Variants in PSD3 observed in about 807,000 individuals in gnomAD.
The protein encoded by PSD3 is pleckstrin and Sec7 domain containing 3, also known as PH and SEC7 domain-containing protein 3.
In PSD3, 49 loss-of-function variants were observed where a neutral mutation model predicts 105.5. The observed-to-expected ratio is 0.46, with a 90% CI of 0.37 to 0.59. The LOEUF is 0.59. PSD3 is among the 20% of genes least tolerant of loss of function. PSD3 has a pLI of 0.00. For missense variants in PSD3, 1,561 were observed against 1,263.8 expected (o/e 1.24, Z -3.57); for synonymous variants, 557 against 457.8 (o/e 1.22, Z -2.77).
chr8:19,055,727 TG>T (rs1219766698), intron 1 of PSD3, among the ~76,000 whole-genome samples: 66 of 152,216 alleles, frequency 4.3e-4, no homozygotes, highest in Admixed American at 3.7e-3. Flanking sequence ...TTAAGACAAG[TG>T]CACTGAAATG....
intron 1 of PSD3, among the ~76,000 whole-genome samples, chr8:19,005,533 C>G (rs934248150): frequency 2.0e-5 from 3 of 151,926 alleles, no homozygotes; most frequent in African/African-American, 7.2e-5. Flanking sequence ...CAGACTAGAG[C>G]ACAGCGATGC....
intron 1 of PSD3, among the ~76,000 whole-genome samples, chr8:19,019,962 C>A (rs60549282): frequency 1.3e-5 from 2 of 152,036 alleles, no homozygotes; most frequent in South Asian, 4.2e-4. Context: ...GAGGGTGGTC[C>A]GGGGCATAGG....
chr8:18,839,808 G>T (rs775624267), intron 4 of PSD3, among the ~76,000 whole-genome samples: 19 of 148,840 alleles, frequency 1.3e-4, no homozygotes, highest in Non-Finnish European at 2.7e-4. Context: ...CCATGACACA[G>T]GGATGACACA....
chr8:19,028,457 G>A (rs1474961223), intron 1 of PSD3, among the ~76,000 whole-genome samples: 1 of 151,886 alleles, frequency 6.6e-6, no homozygotes, highest in Non-Finnish European at 1.5e-5. Context: ...CTGGGCTCAA[G>A]CAATCTTTCT....
chr8:18,637,617 C>G (rs1807359105), intron 10 of PSD3, among the ~76,000 whole-genome samples: 1 of 152,168 alleles, frequency 6.6e-6, no homozygotes, highest in Non-Finnish European at 1.5e-5. Flanking sequence ...ATAGTTTGTT[C>G]CCTACCATTG....
intron 8 of PSD3, among the ~76,000 whole-genome samples, chr8:18,777,057 T>C (rs1374772122): frequency 6.6e-6 from 1 of 152,142 alleles, no homozygotes; most frequent in African/African-American, 2.4e-5. Context: ...CCTTTTGTTT[T>C]TTTGAGACGG....
intron 10 of PSD3, among the ~76,000 whole-genome samples, chr8:18,637,824 T>G (rs1178528591): frequency 6.6e-6 from 1 of 152,134 alleles, no homozygotes; most frequent in Non-Finnish European, 1.5e-5. Context: ...GGAAGAAAGA[T>G]TTCTGTCCTT....
chr8:18,975,905 T>C (rs951406172), intron 1 of PSD3, among the ~76,000 whole-genome samples: 9 of 152,190 alleles, frequency 5.9e-5, no homozygotes, highest in African/African-American at 2.2e-4. Context: ...CACCCTGACA[T>C]ACCCTGATGG....
At position 18,790,538 on chromosome 8, in the gene PSD3, G is replaced by A. The variant is rs1034780659; in HGVS notation, c.2082+8757C>T. ...AGGATGGTCTCTATCTCCTGACCTCGTGATCTGCCCACCTTGGCCTCCCAA... is the reference window on the plus strand; with the variant it reads ...AGGATGGTCTCTATCTCCTGACCTCATGATCTGCCCACCTTGGCCTCCCAA... On this transcript the variant is annotated intron_variant, in intron 8 of 15. Transcript: ENST00000327040. Among the ~76,000 whole-genome samples the A allele has an allele frequency of 4.0e-5, 6 of 151,832 alleles. No homozygotes were observed. The South Asian group carries it at 6.2e-4, about 16-fold the overall frequency.
chr8:18,936,189 A>G (rs1206836936), intron 1 of PSD3, 47 bp from the exon 2 acceptor site: 1 of 1,225,788 alleles, frequency 8.2e-7, no homozygotes, highest in Non-Finnish European at 1.2e-6. Context: ...TACATCATTA[A>G]AAAACACATC....
At chr8:18,903,291 G>C (rs1358360684) in intron 2 of PSD3, among the ~76,000 whole-genome samples, 4 of 152,120 alleles carry the variant, frequency 2.6e-5, no homozygotes, top group Non-Finnish European at 1.5e-5. Flanking sequence ...GGGTCCCAGG[G>C]AATGAGTCAC....
At chr8:18,868,106 G>T (rs201821921) in intron 3 of PSD3, 37 bp from the exon 4 acceptor site, 520 of 1,536,092 alleles carry the variant, frequency 3.4e-4, no homozygotes, top group Non-Finnish European at 4.3e-4. Flanking sequence ...TCCAATATTA[G>T]GTTAATGTCT....
At chr8:18,542,948 T>C (rs1230891616) in intron 15 of PSD3, among the ~76,000 whole-genome samples, 1 of 152,192 alleles carries the variant, frequency 6.6e-6, no homozygotes, top group East Asian at 1.9e-4. Flanking sequence ...CACACTCAGC[T>C]TCCTTCCTTA....
intron 8 of PSD3, among the ~76,000 whole-genome samples, chr8:18,780,728 G>C (rs1171141912): frequency 1.3e-5 from 2 of 151,926 alleles, no homozygotes; most frequent in African/African-American, 2.4e-5. Flanking sequence ...TAATTTTTTT[G>C]TATTTTTAGT....
At chr8:18,538,256 A>G (rs1234570891) in intron 15 of PSD3, among the ~76,000 whole-genome samples, 1 of 152,226 alleles carries the variant, frequency 6.6e-6, no homozygotes, top group Non-Finnish European at 1.5e-5. Flanking sequence ...ACACATTCCA[A>G]TTTCAATAAA....
intron 1 of PSD3, among the ~76,000 whole-genome samples, chr8:18,936,871 A>G (rs956111617): frequency 2.6e-5 from 4 of 152,220 alleles, no homozygotes; most frequent in Admixed American, 2.6e-4. Context: ...CTGTTAAAGT[A>G]CACCAACAAA....
intron 8 of PSD3, 105 bp downstream of exon 8, chr8:18,799,190 T>G: frequency 1.0e-6 from 1 of 992,186 alleles, no homozygotes; most frequent in Non-Finnish European, 1.6e-6. Flanking sequence ...ATGGGAACCA[T>G]GTAGAGAATG....
At chr8:18,774,751 C>T (rs1807875594) in intron 8 of PSD3, 1 of 381,940 alleles carries the variant, frequency 2.6e-6, no homozygotes, top group Non-Finnish European at 5.2e-6. Flanking sequence ...ACGGTGAGAA[C>T]ACAGGCAACA....
intron 8 of PSD3, among the ~76,000 whole-genome samples, chr8:18,788,046 G>A (rs150057684): frequency 2.0e-5 from 3 of 152,080 alleles, no homozygotes; most frequent in Non-Finnish European, 4.4e-5. Flanking sequence ...GGCTATTTAC[G>A]ATAACACTGA....
Sources: gnomAD v4.1 joint callset for allele counts (sites outside exome capture counted in the v4.1 genomes callset) on GRCh38, gnomAD v4.1.1 for gene constraint, MANE v1.5 for transcripts, NCBI Gene and HGNC (gene_info 2026-07-23, HGNC 2026-07-21) for gene names.